The following QTMAN variants were observed in gnomAD, a reference collection of about 807,000 sequenced individuals.
The protein encoded by QTMAN is queuosine-tRNA mannosyltransferase.
the QTMAN span, among the ~76,000 whole-genome samples, chr2:144,188,136 T>C: frequency 1.3e-5 from 2 of 152,182 alleles, no homozygotes; most frequent in Non-Finnish European, 2.9e-5. Flanking sequence ...GAGAATAAAT[T>C]CTGGTGTTAC....
the QTMAN span, among the ~76,000 whole-genome samples, chr2:144,254,778 C>A: frequency 6.6e-6 from 1 of 152,242 alleles, no homozygotes; most frequent in Non-Finnish European, 1.5e-5. Flanking sequence ...CCTGCAAAGC[C>A]ACAGGGGCAG....
chr2:144,200,169 T>C, the QTMAN span, among the ~76,000 whole-genome samples: 1 of 152,224 alleles, frequency 6.6e-6, no homozygotes, highest in African/African-American at 2.4e-5. Flanking sequence ...TATAAAATAA[T>C]GGTGACCAGT....
At chr2:144,115,894 GC>G in the QTMAN span, among the ~76,000 whole-genome samples, 1 of 152,098 alleles carries the variant, frequency 6.6e-6, no homozygotes, top group East Asian at 1.9e-4. Flanking sequence ...AGATGGCAGG[GC>G]AAACTGCTCC....
chr2:144,011,414 T>C, the QTMAN span, among the ~76,000 whole-genome samples: 1 of 152,138 alleles, frequency 6.6e-6, no homozygotes, highest in Non-Finnish European at 1.5e-5. Context: ...ATATAAACAA[T>C]TTATTGCTAT....
chr2:144,293,092 A>G, the QTMAN span, among the ~76,000 whole-genome samples: 4 of 152,364 alleles, frequency 2.6e-5, no homozygotes, highest in East Asian at 7.7e-4. Flanking sequence ...CAAGCAAATC[A>G]TAAACTAAAA....
the QTMAN span, among the ~76,000 whole-genome samples, chr2:144,089,813 G>A: frequency 5.9e-5 from 9 of 151,812 alleles, no homozygotes; most frequent in African/African-American, 2.2e-4. Flanking sequence ...GGGTTACAGA[G>A]TACAAACATA....
the QTMAN span, among the ~76,000 whole-genome samples, chr2:144,143,719 C>T: frequency 6.6e-6 from 1 of 151,858 alleles, no homozygotes; most frequent in Non-Finnish European, 1.5e-5. Flanking sequence ...GTCTTGTTTT[C>T]ACCATATGTC....
At chr2:144,208,995 G>A in the QTMAN span, among the ~76,000 whole-genome samples, 1 of 152,110 alleles carries the variant, frequency 6.6e-6, no homozygotes, top group Non-Finnish European at 1.5e-5. Flanking sequence ...GTGTTAATAA[G>A]AAGAAATAAA....
the QTMAN span, among the ~76,000 whole-genome samples, chr2:144,183,553 T>C: frequency 2.0e-5 from 3 of 152,346 alleles, no homozygotes; most frequent in African/African-American, 7.2e-5. Flanking sequence ...TTTCATTCTA[T>C]ATGGCTAGAA....
chr2:144,258,200 A>C, the QTMAN span, among the ~76,000 whole-genome samples: 1 of 151,474 alleles, frequency 6.6e-6, no homozygotes, highest in African/African-American at 2.4e-5. Flanking sequence ...ATACCCAGTT[A>C]ATACATACTT....
chr2:143,997,516 G>T, the QTMAN span, among the ~76,000 whole-genome samples: 11 of 151,988 alleles, frequency 7.2e-5, no homozygotes, highest in Admixed American at 2.0e-4. Flanking sequence ...CCGCTCCTTA[G>T]GTGAGGTATT....
chr2:144,329,926 C>T, the QTMAN span, among the ~76,000 whole-genome samples: 20 of 152,278 alleles, frequency 1.3e-4, no homozygotes, highest in South Asian at 1.2e-3. Flanking sequence ...TAGGACATAG[C>T]CGAACTTTCA....
At chr2:144,109,706 C>A in the QTMAN span, among the ~76,000 whole-genome samples, 2 of 150,996 alleles carry the variant, frequency 1.3e-5, no homozygotes, top group African/African-American at 2.4e-5. Context: ...AAAAAAAAAA[C>A]AACCCCACCA....
chr2:144,048,579 C>T, the QTMAN span, among the ~76,000 whole-genome samples: 1 of 152,100 alleles, frequency 6.6e-6, no homozygotes. Flanking sequence ...AAAAATGCAG[C>T]TTTAATGTAT....
chr2:143,979,542 C>T, the QTMAN span, among the ~76,000 whole-genome samples: 13 of 152,178 alleles, frequency 8.5e-5, no homozygotes, highest in African/African-American at 2.4e-4. Context: ...GTAACCGCTG[C>T]CAACTACTGT....
chr2:144,049,523 A>G, the QTMAN span, among the ~76,000 whole-genome samples: 1 of 152,208 alleles, frequency 6.6e-6, no homozygotes, highest in Non-Finnish European at 1.5e-5. Context: ...AGGAAATGGA[A>G]TAAAATAATG....
At chr2:144,222,332 T>C in the QTMAN span, among the ~76,000 whole-genome samples, 11 of 151,198 alleles carry the variant, frequency 7.3e-5, no homozygotes, top group Non-Finnish European at 1.3e-4. Context: ...GTGCTGGGAT[T>C]ACAGGCATGA....
chr2:143,953,371 A>G, the QTMAN span, among the ~76,000 whole-genome samples: 241 of 151,998 alleles, frequency 1.6e-3, no homozygotes, highest in African/African-American at 5.5e-3. Flanking sequence ...ACAATTTGTT[A>G]TTATGCAGAA....
At chr2:144,138,126 G>A in the QTMAN span, among the ~76,000 whole-genome samples, 1 of 152,048 alleles carries the variant, frequency 6.6e-6, no homozygotes, top group Non-Finnish European at 1.5e-5. Context: ...CAGCAAAGGA[G>A]CCTGAGAAGC....
Sources: gnomAD v4.1 joint callset for allele counts (sites outside exome capture counted in the v4.1 genomes callset) on GRCh38, gnomAD v4.1.1 for gene constraint, MANE v1.5 for transcripts, NCBI Gene and HGNC (gene_info 2026-07-23, HGNC 2026-07-21) for gene names.